LTN1: variants seen among roughly 807,000 people sequenced by gnomAD.
The protein encoded by LTN1 is listerin E3 ubiquitin protein ligase 1.
LTN1 carries 88 observed loss-of-function variants against 201.2 expected under a neutral mutation model. The ratio of observed to expected loss-of-function variants is 0.44; its 90% CI spans 0.37 to 0.52. The LOEUF is 0.52. LTN1 is among the 20% of genes least tolerant of loss of function. LTN1 has a pLI of 0.00. For missense variants in LTN1, 1,752 were observed against 2,038.7 expected (o/e 0.86, Z 2.71); for synonymous variants, 645 against 713.5 (o/e 0.90, Z 1.53).
At chr21:28,949,417 T>C (rs1461683544) in intron 18 of LTN1, among the ~76,000 whole-genome samples, 1 of 152,204 alleles carries the variant, frequency 6.6e-6, no homozygotes, top group Non-Finnish European at 1.5e-5. Flanking sequence ...TCTGCAGTGT[T>C]AAGTACATTC....
intron 6 of LTN1, among the ~76,000 whole-genome samples, chr21:28,979,738 G>A (rs1031022853): frequency 2.6e-5 from 4 of 152,154 alleles, no homozygotes; most frequent in Admixed American, 1.3e-4. Context: ...GGGAGGCCGA[G>A]GTGGGTGGAT....
At chr21:28,991,377 A>G (rs1053529408) in intron 1 of LTN1, among the ~76,000 whole-genome samples, 5 of 152,196 alleles carry the variant, frequency 3.3e-5, no homozygotes, top group Non-Finnish European at 5.9e-5. Context: ...ACAGTATTAT[A>G]CAAAAGTCAA....
At chr21:28,945,767 A>G in intron 21 of LTN1, 40 bp downstream of exon 21, 1 of 1,570,366 alleles carries the variant, frequency 6.4e-7, no homozygotes, top group Non-Finnish European at 8.6e-7. Flanking sequence ...AAGTATGTAC[A>G]AAAACCCACA....
At chr21:28,967,295 G>A (rs2084534879) in intron 9 of LTN1, 116 bp from the exon 10 acceptor site, 1 of 737,872 alleles carries the variant, frequency 1.4e-6, no homozygotes, top group African/African-American at 1.8e-5. Context: ...ATAAGCTAAT[G>A]GGTTGATTGA....
Position 28,969,594 on chromosome 21 carries a change from T to C in LTN1, c.1183A>G (p.Thr395Ala), listed in dbSNP as rs772128681. 6.3e-7 allele frequency: 1 copy of C among 1,594,970 alleles called. No homozygotes were observed. Among genetic ancestry groups the C allele is most frequent in the Non-Finnish European group, 8.5e-7 (1 of 1,173,338 alleles). Residue 395 changes from threonine to alanine, a missense_variant, in exon 9 of 30, where the codon ACA becomes GCA. By Grantham distance (58) the Thr-to-Ala change is moderately conservative. Coordinates refer to ENST00000361371, the MANE Select transcript of LTN1 (RefSeq NM_015565.3). The stretch of plus-strand genomic sequence containing the variant: ...AAAGAGCTGGTTTTAGTTCTCTCTG[T>C]TGACAGCCTAAGAAATAATTAATAA... ...FLTSLVAGLS[T>A]ERTKTSSLES...
intron 1 of LTN1, among the ~76,000 whole-genome samples, chr21:28,988,906 A>C (rs1014951657): frequency 6.6e-6 from 1 of 151,946 alleles, no homozygotes; most frequent in Non-Finnish European, 1.5e-5. Context: ...CAGAGATTGC[A>C]GTGAGTCGAG....
intron 18 of LTN1, among the ~76,000 whole-genome samples, chr21:28,950,477 C>A (rs576240916): frequency 6.6e-6 from 1 of 152,076 alleles, no homozygotes; most frequent in Non-Finnish European, 1.5e-5. Context: ...AAGCTAATGT[C>A]AAAAAGTTAC....
At chr21:28,992,048 G>A (rs2084750498) in intron 1 of LTN1, among the ~76,000 whole-genome samples, 1 of 152,168 alleles carries the variant, frequency 6.6e-6, no homozygotes, top group African/African-American at 2.4e-5. Flanking sequence ...AGTGAACCAA[G>A]ACAATAAATG....
At chr21:28,965,842 A>G (rs1568848655) in intron 11 of LTN1, 23 bp downstream of exon 11, 26 of 1,313,680 alleles carry the variant, frequency 2.0e-5, no homozygotes, top group Admixed American at 4.6e-5. Context: ...AAAAAAAAAA[A>G]GAAAAAAAAA....
At position 28,969,502 on chromosome 21, in the gene LTN1, A is replaced by G. The variant is rs1471839560; in HGVS notation, c.1275T>C (p.Gly425=). 10 of 1,613,004 alleles carry G rather than the reference A, an allele frequency of 6.2e-6. No individual in the cohort carries two copies. Among genetic ancestry groups the G allele is most frequent in the South Asian group, 1.1e-5 (1 of 90,880 alleles). Residue 425 remains glycine (G), a synonymous_variant, in exon 9 of 30, where the codon GGT becomes GGC. Coordinates refer to ENST00000361371, the MANE Select transcript of LTN1 (RefSeq NM_015565.3). ...CLRFIMQQNL[G]EEEIEQMLVN... is the part of the protein sequence containing the mutation. ...CGAGCATCTGTTCAATCTCTTCCTC[A>G]CCTAAGTTTTGCTGCATTATAAAAC...
intron 25 of LTN1, among the ~76,000 whole-genome samples, chr21:28,940,265 C>T (rs539144999): frequency 6.6e-6 from 1 of 152,294 alleles, no homozygotes; most frequent in South Asian, 2.1e-4. Flanking sequence ...CTGCAACCTC[C>T]ACTTCCCCGG....
chr21:28,974,424 A>T (rs1274614913), intron 6 of LTN1, among the ~76,000 whole-genome samples: 1 of 152,216 alleles, frequency 6.6e-6, no homozygotes, highest in East Asian at 1.9e-4. Context: ...TGGATAAAAC[A>T]CACACAAAAA....
intron 13 of LTN1, 179 bp downstream of exon 13, chr21:28,959,279 A>T: frequency 1.6e-6 from 1 of 644,778 alleles, no homozygotes. Context: ...AATAACATCT[A>T]CGTACATCTT....
chr21:28,963,133 A>T (rs538996123), intron 11 of LTN1, among the ~76,000 whole-genome samples: 1 of 152,362 alleles, frequency 6.6e-6, no homozygotes, highest in Non-Finnish European at 1.5e-5. Context: ...GCAGCATGTT[A>T]TACAGAAGAT....
intron 25 of LTN1, among the ~76,000 whole-genome samples, chr21:28,940,570 G>GA (rs1001899690): frequency 8.8e-4 from 125 of 142,682 alleles, no homozygotes; most frequent in African/African-American, 2.6e-3. Flanking sequence ...GACTCCCTCC[G>GA]AAAAAAAAAC....
intron 1 of LTN1, among the ~76,000 whole-genome samples, chr21:28,987,531 C>T (rs1568860394): frequency 1.3e-5 from 2 of 152,108 alleles, no homozygotes; most frequent in Non-Finnish European, 2.9e-5. Context: ...CCTAGCCTAA[C>T]CTCTTTGGGC....
At chr21:28,944,636 T>C (rs1164691860) in intron 21 of LTN1, 40 bp from the exon 22 acceptor site, 1 of 1,381,468 alleles carries the variant, frequency 7.2e-7, no homozygotes, top group Non-Finnish European at 1.0e-6. Context: ...AACAGACTTC[T>C]ACCAGAACAC....
intron 11 of LTN1, chr21:28,964,792 C>T: frequency 1.3e-6 from 2 of 1,525,528 alleles, no homozygotes; most frequent in East Asian, 2.5e-5. Flanking sequence ...ATACATTAGT[C>T]TACTCTTATC....
intron 1 of LTN1, among the ~76,000 whole-genome samples, chr21:28,990,319 C>G (rs945477495): frequency 3.9e-5 from 6 of 152,088 alleles, no homozygotes; most frequent in Admixed American, 6.6e-5. Context: ...AGTTAAAATC[C>G]CAACTCCACA....
Sources: gnomAD v4.1 joint callset for allele counts (sites outside exome capture counted in the v4.1 genomes callset) on GRCh38, gnomAD v4.1.1 for gene constraint, MANE v1.5 for transcripts, NCBI Gene and HGNC (gene_info 2026-07-23, HGNC 2026-07-21) for gene names.